Variants in GEN1 observed in about 807,000 individuals in gnomAD.
GEN1 encodes the protein GEN1 structure-specific endonuclease, also known as flap endonuclease GEN homolog 1.
Under a neutral mutation model 67.6 loss-of-function variants are expected in GEN1, and 64 were observed. That is an observed-to-expected ratio of 0.95 (90% CI 0.77 to 1.17). The LOEUF (loss-of-function observed/expected upper bound fraction) is 1.17. Among genes scored for constraint, GEN1 ranks in the 50% most tolerant of loss-of-function variants. The probability of loss-of-function intolerance (pLI) is 0.00; values close to 1 mark genes in which losing one functional copy is unlikely to be tolerated. For missense variants in GEN1, 1,058 were observed against 1,048.3 expected (o/e 1.01, Z -0.13); for synonymous variants, 371 against 359.4 (o/e 1.03, Z -0.37).
chr2:17,778,377 CATATATGT>C (rs1432277427), intron 12 of GEN1, among the ~76,000 whole-genome samples: 1 of 21,180 alleles, frequency 4.7e-5, no homozygotes, highest in African/African-American at 1.3e-4. Flanking sequence ...TATACACACA[CATATATGT>C]GTGTACATAT....
At chr2:17,772,057 CT>C (rs370753561) in intron 7 of GEN1, among the ~76,000 whole-genome samples, 235 of 152,016 alleles carry the variant, frequency 1.5e-3, no homozygotes, top group African/African-American at 5.3e-3. Flanking sequence ...CTTACATATT[CT>C]CAAGACAATG....
upstream of GEN1, chr2:17,753,884 A>C (rs1380239103): frequency 1.3e-5 from 2 of 149,618 alleles, no homozygotes; most frequent in Admixed American, 6.6e-5. Context: ...GCGCCGCCGG[A>C]GTCTGAGAGG....
rs1672897744 is a variant in GEN1, at chr2:17,782,604, A to C, written c.*665A>C. On this transcript the variant is annotated 3_prime_UTR_variant, in exon 14 of 14. Transcript: ENST00000381254. ...AAAATCATGCTCGTAATGGCTGAAT[A>C]AACTGAGCAAAGTAACTCCTTATGT... 1 of 152,214 alleles carries C rather than the reference A, an allele frequency of 6.6e-6. No homozygotes were observed. The highest frequency in any genetic ancestry group is 2.1e-4 in the South Asian group (1 of 4,832). 9.4% of individuals were successfully genotyped at this position (152,214 alleles called of 1,614,324 possible).
At chr2:17,769,178 C>T (rs1672069525) in intron 6 of GEN1, among the ~76,000 whole-genome samples, 1 of 151,820 alleles carries the variant, frequency 6.6e-6, no homozygotes, top group East Asian at 1.9e-4. Context: ...CACCACTGTG[C>T]CCAGCCACCA....
intron 11 of GEN1, 53 bp downstream of exon 11, chr2:17,774,454 A>T (rs1672338528): frequency 7.1e-7 from 1 of 1,411,442 alleles, no homozygotes; most frequent in Non-Finnish European, 9.5e-7. Context: ...AGTATTTTAT[A>T]ATTAAAATAT....
At chr2:17,773,387 G>T in intron 10 of GEN1, 88 bp downstream of exon 10, 2 of 758,492 alleles carry the variant, frequency 2.6e-6, no homozygotes, top group Non-Finnish European at 2.1e-6. Flanking sequence ...TCTTAGAGGA[G>T]GTTTAAAATT....
chr2:17,767,669 AG>A (rs1220832097), intron 5 of GEN1, among the ~76,000 whole-genome samples: 1 of 152,218 alleles, frequency 6.6e-6, no homozygotes, highest in African/African-American at 2.4e-5. Flanking sequence ...GTTTAATTTA[AG>A]AAAAAATTTG....
chr2:17,770,894 T>G (rs1405402884), intron 6 of GEN1, among the ~76,000 whole-genome samples: 1 of 151,468 alleles, frequency 6.6e-6, no homozygotes, highest in East Asian at 1.9e-4. Context: ...AAAAGACTGA[T>G]TGGATATATA....
At chr2:17,769,512 C>T (rs1672088632) in intron 6 of GEN1, among the ~76,000 whole-genome samples, 1 of 152,160 alleles carries the variant, frequency 6.6e-6, no homozygotes, top group Non-Finnish European at 1.5e-5. Flanking sequence ...TAAAGATAAA[C>T]ATGACATTAA....
intron 3 of GEN1, among the ~76,000 whole-genome samples, chr2:17,764,688 T>G (rs1193991297): frequency 6.6e-6 from 1 of 152,208 alleles, no homozygotes; most frequent in African/African-American, 2.4e-5. Flanking sequence ...ATAATTTTTA[T>G]TAGCACACGT....
Position 17,772,790 on chromosome 2 carries a change from T to C in GEN1, c.953+6T>C, listed in dbSNP as rs2125147578. On this transcript the variant is annotated splice_donor_region_variant and intron_variant, in intron 8 of 13. Transcript: ENST00000381254. Reference sequence around the variant, plus strand: ...GTAGAGAACAATATTAAGAAGTAAGTTTTTTTAAAAACTCATGATTTTTCC... The same window carrying C: ...GTAGAGAACAATATTAAGAAGTAAGCTTTTTTAAAAACTCATGATTTTTCC... 1 of 1,599,342 alleles carries C rather than the reference T, an allele frequency of 6.3e-7. No individual in the cohort carries two copies.
At position 17,781,748 on chromosome 2, in the gene GEN1, C is replaced by T. The variant is rs1405831196; in HGVS notation, c.2536C>T (p.His846Tyr). Residue 846 changes from histidine (H) to tyrosine (Y), a missense_variant, in exon 14 of 14, where the codon CAT becomes TAT. Transcript: ENST00000381254. Reference sequence around the variant, plus strand: ...TAACAAGTTGAGTAGCCCTAAGATACATATTAAAGAAACTGAACAGTGTGT... The same window carrying T: ...TAACAAGTTGAGTAGCCCTAAGATATATATTAAAGAAACTGAACAGTGTGT... ...GHNKLSSPKI[H>Y]IKETEQCVRS... 2 of 1,613,054 alleles carry T rather than the reference C, an allele frequency of 1.2e-6. No homozygotes were observed. The highest frequency in any genetic ancestry group is 3.3e-5 in the Admixed American group (2 of 59,938).
In GEN1 at chr2:17,772,623, T is replaced by A; in HGVS notation, c.803-11T>A. The A allele has an allele frequency of 6.3e-7, 1 of 1,577,522 alleles. No individual in the cohort carries two copies. The highest frequency in any genetic ancestry group is 8.6e-7 in the Non-Finnish European group (1 of 1,165,340). On this transcript the variant is annotated splice_polypyrimidine_tract_variant and intron_variant, in intron 7 of 13. Transcript: ENST00000381254. The stretch of plus-strand genomic sequence containing the variant: ...CAAAAAATATTATACTTTTTTTGGG[T>A]CTCCATAAAGGTTCACCTAAGGATC...
intron 12 of GEN1, 59 bp downstream of exon 12, chr2:17,778,122 T>C (rs1672529104): frequency 2.4e-6 from 2 of 842,982 alleles, no homozygotes; most frequent in African/African-American, 1.7e-5. Context: ...GTATGTCTAG[T>C]AAATATTGTA....
rs1558409059 is a variant in GEN1 at position 17,778,278 on chromosome 2, A to ATACACACACGTGTGTATGTACATATATG, written c.1264+217_1264+218insCACACACGTGTGTATGTACATATATGTA. ...CACACATATGTGTGTACATATATGT[A>ATACACACACGTGTGTATGTACATATATG]TATACACACACATGTGTGTGTACAT... On this transcript the variant is annotated intron_variant, in intron 12 of 13. Transcript: ENST00000381254. Among the ~76,000 whole-genome samples the ATACACACACGTGTGTATGTACATATATG allele has an allele frequency of 5.8e-4, 19 of 32,872 alleles. 2 individuals carry two copies. Among genetic ancestry groups the ATACACACACGTGTGTATGTACATATATG allele is most frequent in the Non-Finnish European group, 1.3e-3 (18 of 13,658 alleles). The allele number at this position is 32,872 out of a possible 152,430, so 21.6% of individuals were successfully genotyped here. A position where few individuals can be genotyped will look rare whatever the true frequency, so the allele number is the denominator to read the frequency against.
chr2:17,761,485 A>G lies in GEN1; in HGVS notation c.251A>G (p.Asp84Gly). ...GGGGAACCACCAAAGCTGAAAGCTG[A>G]TGTCATAAGCAAGAGGAATCAGTCT... The part of the protein sequence containing the change: ...MEGEPPKLKA[D>G]VISKRNQSRY... The change falls in exon 3 of 14, where the codon GAT becomes GGT. Residue 84 changes from aspartate (D) to glycine (G), a missense_variant. By Grantham distance (94) the Asp-to-Gly change is moderately conservative. Transcript: ENST00000381254. 1 of 1,613,204 alleles carries G rather than the reference A, an allele frequency of 6.2e-7. No individual in the cohort carries two copies. Among genetic ancestry groups the G allele is most frequent in the African/African-American group, 1.3e-5 (1 of 75,034 alleles).
Position 17,772,715 on chromosome 2 carries a change from G to A in GEN1, c.884G>A (p.Cys295Tyr). Reference sequence around the variant, plus strand: ...TGTGAGCCACATGACTATGAATACTGCTGTCCTTGTGAGTGGCACCGTACA... The same window carrying A: ...TGTGAGCCACATGACTATGAATACTACTGTCCTTGTGAGTGGCACCGTACA... ...KYCEPHDYEY[C>Y]CPCEWHRTEH... is the part of the protein sequence containing the mutation. Residue 295 changes from cysteine (C) to tyrosine (Y), a missense_variant, in exon 8 of 14, where the codon TGC becomes TAC. Transcript: ENST00000381254. 3 of 1,611,642 alleles carry A rather than the reference G, an allele frequency of 1.9e-6. No individual in the cohort carries two copies. The South Asian group carries it at 3.3e-5, about 18-fold the overall frequency.
chr2:17,762,129 TAAGAA>T (rs1032242054), intron 3 of GEN1, among the ~76,000 whole-genome samples: 1 of 151,184 alleles, frequency 6.6e-6, no homozygotes, highest in African/African-American at 2.4e-5. Context: ...GTATGAAACT[TAAGAA>T]AGAAATCATC....
chr2:17,764,578 C>G (rs1218694333), intron 3 of GEN1, among the ~76,000 whole-genome samples: 1 of 152,146 alleles, frequency 6.6e-6, no homozygotes, highest in East Asian at 1.9e-4. Context: ...ATCCACACAT[C>G]ATTTTGAAGC....
Sources: allele counts gnomAD v4.1 joint callset (sites outside exome capture counted in the v4.1 genomes callset), GRCh38; gene constraint gnomAD v4.1.1; transcripts MANE v1.5; gene names NCBI Gene and HGNC (gene_info 2026-07-23, HGNC 2026-07-21).